CCNY: variants seen among roughly 807,000 people sequenced by gnomAD.
CCNY encodes the protein cyclin-Y.
Under a neutral mutation model 42.8 loss-of-function variants are expected in CCNY, and 19 were observed. The observed-to-expected ratio is 0.44, with a 90% CI of 0.31 to 0.65. The LOEUF (loss-of-function observed/expected upper bound fraction) is 0.65. CCNY is among the 30% of genes least tolerant of loss of function. CCNY has a pLI of 0.07. For synonymous variants in CCNY, 165 were observed against 162.7 expected, an observed-to-expected ratio of 1.01 and a Z score of -0.11; for missense variants, 370 against 437.3, an observed-to-expected ratio of 0.85 and a Z score of 1.37.
intron 4 of CCNY, 52 bp downstream of exon 4, chr10:35,516,675 T>TCC (rs1164677020): frequency 3.7e-6 from 4 of 1,073,576 alleles, no homozygotes; most frequent in African/African-American, 3.4e-5. Flanking sequence ...TTTTTTTTTT[T>TCC]TTTTTTTTTT....
chr10:35,495,814 T>C (rs192052623), intron 2 of CCNY, among the ~76,000 whole-genome samples: 21 of 152,296 alleles, frequency 1.4e-4, no homozygotes, highest in African/African-American at 4.8e-4. Flanking sequence ...ACGACTTCCC[T>C]GTCAGGGCAG....
chr10:35,318,156 A>C (rs1291383178), intron 3 of CCNY, among the ~76,000 whole-genome samples: 2 of 152,124 alleles, frequency 1.3e-5, no homozygotes, highest in Non-Finnish European at 2.9e-5. Context: ...TGAGCCCAGG[A>C]GTTCTAGGCT....
chr10:35,418,328 C>T (rs775764093), intron 1 of CCNY, among the ~76,000 whole-genome samples: 35 of 152,226 alleles, frequency 2.3e-4, no homozygotes, highest in Non-Finnish European at 4.3e-4. Context: ...AACCCCCACC[C>T]CCGGCTTGAT....
chr10:35,419,649 A>C (rs545704720), intron 1 of CCNY, among the ~76,000 whole-genome samples: 1 of 152,202 alleles, frequency 6.6e-6, no homozygotes, highest in Non-Finnish European at 1.5e-5. Context: ...TTAGATATAC[A>C]GCTCATTTTA....
At position 35,262,226 on chromosome 10, in the gene CCNY, C is replaced by T. The variant is rs1458177706; in HGVS notation, c.-9+11600C>T. Among the ~76,000 whole-genome samples, 126 of 128,328 alleles carry T rather than the reference C, an allele frequency of 9.8e-4. 1 individual carries two copies. The highest frequency in any genetic ancestry group is 1.7e-3 in the Non-Finnish European group (109 of 64,036). The allele number at this position is 128,328 out of a possible 152,430, so 84.2% of individuals were successfully genotyped here. On this transcript the variant is annotated intron_variant, in intron 3 of 11. Transcript: ENST00000374706. ...GCAGTGAGCCAAGATGGCACCTCTG[C>T]ACTCCCACCTGGACAACAGAAACTC...
intron 4 of CCNY, among the ~76,000 whole-genome samples, chr10:35,517,081 AG>A (rs1840445672): frequency 6.6e-6 from 1 of 152,162 alleles, no homozygotes; most frequent in Non-Finnish European, 1.5e-5. Flanking sequence ...GGCCTAGTGA[AG>A]GTACACTTGC....
At chr10:35,293,901 C>G (rs1835443068) in intron 3 of CCNY, among the ~76,000 whole-genome samples, 1 of 150,898 alleles carries the variant, frequency 6.6e-6, no homozygotes, top group African/African-American at 2.4e-5. Flanking sequence ...AGTGATTCTT[C>G]TGCCTCAGCC....
At chr10:35,339,381 T>A (rs1025017816) in intron 1 of CCNY, among the ~76,000 whole-genome samples, 5 of 152,196 alleles carry the variant, frequency 3.3e-5, no homozygotes, top group Non-Finnish European at 5.9e-5. Context: ...AAATTCATTA[T>A]TAGAGGCTGA....
intron 3 of CCNY, among the ~76,000 whole-genome samples, chr10:35,509,767 C>G (rs902488102): frequency 6.6e-6 from 1 of 152,232 alleles, no homozygotes; most frequent in Non-Finnish European, 1.5e-5. Context: ...TGTGAGCACA[C>G]CTGCTCTTGC....
intron 3 of CCNY, among the ~76,000 whole-genome samples, chr10:35,325,950 G>A (rs560024240): frequency 6.6e-5 from 10 of 152,128 alleles, no homozygotes; most frequent in Non-Finnish European, 1.0e-4. Flanking sequence ...GCACATGCCC[G>A]TGGTCCCAAA....
intron 1 of CCNY, among the ~76,000 whole-genome samples, chr10:35,368,061 A>G (rs1836847373): frequency 6.6e-6 from 1 of 152,242 alleles, no homozygotes; most frequent in African/African-American, 2.4e-5. Flanking sequence ...AAGATTGGAT[A>G]GAGTCTGCAA....
At chr10:35,264,573 T>C (rs1315826544) in intron 3 of CCNY, among the ~76,000 whole-genome samples, 1 of 152,194 alleles carries the variant, frequency 6.6e-6, no homozygotes, top group Non-Finnish European at 1.5e-5. Flanking sequence ...TCAGTATTGT[T>C]GATTTTTTTT....
chr10:35,305,898 A>T (rs1052409532), intron 3 of CCNY, among the ~76,000 whole-genome samples: 2 of 152,178 alleles, frequency 1.3e-5, no homozygotes, highest in African/African-American at 4.8e-5. Flanking sequence ...GCTTGGGATC[A>T]TTAGAGTGGG....
Position 35,301,623 on chromosome 10 carries a change from G to A in CCNY, c.-9+50997G>A, listed in dbSNP as rs143700517. 4.6e-5 allele frequency among the ~76,000 whole-genome samples: 7 copies of A among 152,024 alleles called. No homozygotes were observed. The East Asian group carries it at 5.8e-4, about 13-fold the overall frequency. ...TTTTTATTGGAAGCCTGTTTTCATCGCTGTCTTTTGTTTTGCTTTGTTTTG... is the reference window on the plus strand; with the variant it reads ...TTTTTATTGGAAGCCTGTTTTCATCACTGTCTTTTGTTTTGCTTTGTTTTG... On this transcript the variant is annotated intron_variant, in intron 3 of 11. Transcript: ENST00000374706.
chr10:35,331,531 A>T (rs2504362), upstream of CCNY, among the ~76,000 whole-genome samples: 61,144 of 151,816 alleles, frequency 0.4, 12,801 homozygotes, highest in African/African-American at 0.51. Context: ...TCAACAAATG[A>T]TTTACTTAGG....
chr10:35,550,595 A>G (rs1589199955), intron 7 of CCNY, among the ~76,000 whole-genome samples: 1 of 151,994 alleles, frequency 6.6e-6, no homozygotes, highest in East Asian at 1.9e-4. Context: ...CACTGCCTCT[A>G]GAGTCCTTGC....
At chr10:35,396,822 G>T (rs1426192484) in intron 1 of CCNY, among the ~76,000 whole-genome samples, 3 of 152,218 alleles carry the variant, frequency 2.0e-5, no homozygotes, top group Non-Finnish European at 4.4e-5. Flanking sequence ...GGCTCCCAAG[G>T]CAGGATCTGG....
At position 35,545,922 on chromosome 10, in the gene CCNY, A is replaced by G. The variant is rs1464028782; in HGVS notation, c.580-7097A>G. ...ATTTTATAAACAGAAAATAATAATT[A>G]CTTTTTTAAATTATTTTTGTTGGCC... On this transcript the variant is annotated intron_variant, in intron 7 of 9. Coordinates refer to ENST00000374704, the MANE Select transcript of CCNY (RefSeq NM_145012.6). 3.3e-5 allele frequency among the ~76,000 whole-genome samples: 5 copies of G among 152,052 alleles called. No homozygotes were observed. In the East Asian group the frequency reaches 9.6e-4, roughly 29 times the overall value.
At chr10:35,436,513 AG>A (rs1838536188) in intron 1 of CCNY, among the ~76,000 whole-genome samples, 1 of 152,176 alleles carries the variant, frequency 6.6e-6, no homozygotes, top group Non-Finnish European at 1.5e-5. Flanking sequence ...GCCCTGCTCC[AG>A]GGAGAGAGCT....
Sources: gnomAD v4.1 joint callset for allele counts (sites outside exome capture counted in the v4.1 genomes callset) on GRCh38, gnomAD v4.1.1 for gene constraint, MANE v1.5 for transcripts, NCBI Gene and HGNC (gene_info 2026-07-23, HGNC 2026-07-21) for gene names.